The following KCNQ5 variants were observed in gnomAD, a reference collection of about 807,000 sequenced individuals.
The protein encoded by KCNQ5 is potassium voltage-gated channel subfamily Q member 5, also known as potassium voltage-gated channel subfamily KQT member 5.
In KCNQ5, 30 loss-of-function variants were observed where a neutral mutation model predicts 98.2. The observed-to-expected ratio is 0.31, with a 90% CI of 0.23 to 0.41. The LOEUF is 0.41. Among genes scored for constraint, KCNQ5 ranks in the 10% least tolerant of loss-of-function variants. KCNQ5 has a pLI of 1.00. For missense variants in KCNQ5, 835 were observed against 1,182.5 expected (o/e 0.71, Z 4.31); for synonymous variants, 458 against 449.4 (o/e 1.02, Z -0.24).
chr6:73,092,988 ATTC>A (rs775941201), intron 5 of KCNQ5, among the ~76,000 whole-genome samples: 6 of 152,084 alleles, frequency 3.9e-5, no homozygotes, highest in African/African-American at 4.8e-5. Flanking sequence ...ACTGGTATCA[ATTC>A]TTCTTTGAAT....
chr6:72,719,950 T>G (rs1769857948), intron 1 of KCNQ5, among the ~76,000 whole-genome samples: 1 of 152,208 alleles, frequency 6.6e-6, no homozygotes, highest in Non-Finnish European at 1.5e-5. Flanking sequence ...CATATTTCCC[T>G]TCATCCTCAT....
chr6:73,108,798 G>A (rs1775109284), intron 6 of KCNQ5, among the ~76,000 whole-genome samples: 1 of 152,068 alleles, frequency 6.6e-6, no homozygotes, highest in East Asian at 1.9e-4. Flanking sequence ...CTGCACTCCA[G>A]CCTGGGCAAC....
At chr6:73,087,512 T>A (rs1315988919) in intron 5 of KCNQ5, among the ~76,000 whole-genome samples, 1 of 152,164 alleles carries the variant, frequency 6.6e-6, no homozygotes, top group Non-Finnish European at 1.5e-5. Flanking sequence ...CTCAGAAAAG[T>A]GGTCTGGCCT....
chr6:73,028,343 G>A (rs906688244), intron 2 of KCNQ5, among the ~76,000 whole-genome samples: 7 of 152,096 alleles, frequency 4.6e-5, no homozygotes, highest in Non-Finnish European at 7.4e-5. Flanking sequence ...ATGTAAGCAC[G>A]GATGAAAAAG....
intron 11 of KCNQ5, among the ~76,000 whole-genome samples, chr6:73,188,090 T>C (rs1419032570): frequency 2.6e-5 from 4 of 152,146 alleles, no homozygotes; most frequent in African/African-American, 9.7e-5. Flanking sequence ...TCTACCACCA[T>C]AGGAAAGAAA....
At chr6:72,967,656 G>T (rs1252865706) in intron 1 of KCNQ5, 1 of 154,608 alleles carries the variant, frequency 6.5e-6, no homozygotes, top group Non-Finnish European at 1.5e-5. Context: ...AAACCATTAA[G>T]GTCACTTAAG....
chr6:72,956,626 A>T (rs767564141), intron 1 of KCNQ5, among the ~76,000 whole-genome samples: 1 of 146,894 alleles, frequency 6.8e-6, no homozygotes, highest in Non-Finnish European at 1.5e-5. Context: ...GGCTGGTCTC[A>T]AACTCCTGGC....
chr6:73,023,066 T>C (rs1180904412), intron 2 of KCNQ5, among the ~76,000 whole-genome samples: 1 of 152,124 alleles, frequency 6.6e-6, no homozygotes, highest in South Asian at 2.1e-4. Context: ...GGAGAAGGAA[T>C]AGTGGAGGGC....
In KCNQ5 at chr6:72,888,348, T is replaced by C. The variant is rs1778928554; in HGVS notation, c.399-115560T>C. 3.9e-5 allele frequency among the ~76,000 whole-genome samples: 6 copies of C among 152,174 alleles called. No individual in the cohort carries two copies. The South Asian group carries it at 1.2e-3, about 31-fold the overall frequency. ...TACAAAAGCAGAGAACATAGCATTT[T>C]TGAGAAACTGCAAGTACTTTAATAT... On this transcript the variant is annotated intron_variant, in intron 1 of 13. Coordinates refer to ENST00000370398, the MANE Select transcript of KCNQ5 (RefSeq NM_019842.4).
chr6:73,126,699 T>C (rs769399764), intron 9 of KCNQ5, among the ~76,000 whole-genome samples: 21 of 152,184 alleles, frequency 1.4e-4, no homozygotes, highest in East Asian at 3.8e-4. Flanking sequence ...TCTGTGGTCA[T>C]TGAACATTTG....
At chr6:72,628,570 A>G (rs1000329614) in intron 1 of KCNQ5, among the ~76,000 whole-genome samples, 4 of 152,154 alleles carry the variant, frequency 2.6e-5, no homozygotes, top group Admixed American at 1.3e-4. Flanking sequence ...TAAATCCCCA[A>G]GGTCTCTGTG....
intron 1 of KCNQ5, among the ~76,000 whole-genome samples, chr6:72,679,818 GC>G (rs1565075831): frequency 6.6e-6 from 1 of 152,098 alleles, no homozygotes; most frequent in Non-Finnish European, 1.5e-5. Context: ...TGGGCAGATC[GC>G]CCTAGGTCAG....
intron 1 of KCNQ5, among the ~76,000 whole-genome samples, chr6:72,693,460 GA>G (rs1315920647): frequency 3.9e-5 from 6 of 152,092 alleles, no homozygotes; most frequent in Admixed American, 1.3e-4. Context: ...TTCTTTGTTA[GA>G]AAACAAAACA....
intron 3 of KCNQ5, among the ~76,000 whole-genome samples, chr6:73,074,845 T>G (rs192106114): frequency 2.6e-5 from 4 of 152,300 alleles, no homozygotes; most frequent in Non-Finnish European, 5.9e-5. Context: ...ACTAGCCATG[T>G]ACTTATTTCT....
intron 5 of KCNQ5, among the ~76,000 whole-genome samples, chr6:73,078,634 C>A (rs1036422091): frequency 6.6e-6 from 1 of 152,204 alleles, no homozygotes; most frequent in Non-Finnish European, 1.5e-5. Context: ...GCAAAACTGG[C>A]TCCTTCCACA....
At chr6:72,725,055 AT>A (rs1303744755) in intron 1 of KCNQ5, among the ~76,000 whole-genome samples, 5 of 152,128 alleles carry the variant, frequency 3.3e-5, no homozygotes, top group African/African-American at 1.2e-4. Context: ...TTAAAAATTT[AT>A]TTCTTATGTA....
intron 1 of KCNQ5, among the ~76,000 whole-genome samples, chr6:72,838,327 C>A (rs1367242499): frequency 6.6e-6 from 1 of 151,900 alleles, no homozygotes; most frequent in Non-Finnish European, 1.5e-5. Flanking sequence ...GATCTCCATA[C>A]TCCCTGAAAA....
chr6:73,093,615 CA>C (rs1774346416), intron 5 of KCNQ5, among the ~76,000 whole-genome samples: 1 of 152,036 alleles, frequency 6.6e-6, no homozygotes, highest in African/African-American at 2.4e-5. Flanking sequence ...TCATTGTTGC[CA>C]TTCAATTCAA....
At chr6:73,169,953 A>G (rs1335581930) in intron 11 of KCNQ5, 99 bp downstream of exon 11, 2 of 769,824 alleles carry the variant, frequency 2.6e-6, no homozygotes, top group African/African-American at 3.4e-5. Flanking sequence ...ATATCCTGGA[A>G]TAACCACTTT....
Sources: allele counts gnomAD v4.1 joint callset (sites outside exome capture counted in the v4.1 genomes callset), GRCh38; gene constraint gnomAD v4.1.1; transcripts MANE v1.5; gene names NCBI Gene and HGNC (gene_info 2026-07-23, HGNC 2026-07-21).